The following TNFRSF11A variants were observed in gnomAD, a reference collection of about 807,000 sequenced individuals.
TNFRSF11A encodes TNF receptor superfamily member 11a.
A neutral mutation model predicts 55.7 loss-of-function variants in TNFRSF11A; 32 were observed. The observed-to-expected ratio is 0.57, with a 90% CI of 0.43 to 0.77. The LOEUF (loss-of-function observed/expected upper bound fraction) is 0.77, where lower values mean the gene tolerates loss of function less well. Among genes scored for constraint, TNFRSF11A ranks in the 30% least tolerant of loss-of-function variants. TNFRSF11A has a pLI of 0.00. For synonymous variants in TNFRSF11A, 311 were observed against 331.0 expected, an observed-to-expected ratio of 0.94 and a Z score of 0.65; for missense variants, 753 against 809.8, an observed-to-expected ratio of 0.93 and a Z score of 0.85.
At chr18:62,331,317 G>A (rs1319564942) in intron 1 of TNFRSF11A, among the ~76,000 whole-genome samples, 4 of 152,188 alleles carry the variant, frequency 2.6e-5, no homozygotes, top group Non-Finnish European at 4.4e-5. Flanking sequence ...TAAGGAAATT[G>A]CTGTCTTAGT....
At chr18:62,384,674 C>A in intron 9 of TNFRSF11A, 77 bp from the exon 10 acceptor site, 2 of 1,553,078 alleles carry the variant, frequency 1.3e-6, no homozygotes, top group Non-Finnish European at 1.7e-6. Flanking sequence ...CTCCACTCCC[C>A]GGAACCTTCC....
intron 1 of TNFRSF11A, among the ~76,000 whole-genome samples, chr18:62,333,276 G>A (rs956445362): frequency 2.6e-5 from 4 of 152,118 alleles, no homozygotes; most frequent in South Asian, 2.1e-4. Context: ...AGTCTCCCCC[G>A]GGAACTCGTT....
At chr18:62,379,177 T>G (rs1911094732) in intron 9 of TNFRSF11A, among the ~76,000 whole-genome samples, 1 of 152,208 alleles carries the variant, frequency 6.6e-6, no homozygotes, top group South Asian at 2.1e-4. Flanking sequence ...GAGGGCTTAG[T>G]CAATTCTGTA....
chr18:62,369,492 A>G lies in TNFRSF11A; in HGVS notation c.1567+8A>G. 1 of 1,603,656 alleles carries G rather than the reference A, an allele frequency of 6.2e-7. No homozygotes were observed. Among genetic ancestry groups the G allele is most frequent in the Non-Finnish European group, 8.5e-7 (1 of 1,179,976 alleles). On this transcript the variant is annotated splice_region_variant and intron_variant, in intron 9 of 9. Transcript: ENST00000586569. ...GCCAGTCCCCTGCATCTGGTAAGTG[A>G]CTTCCCAGTCTCTCACTTCTGAGCA...
At position 62,353,570 on chromosome 18, in the gene TNFRSF11A, G is replaced by A. The variant is rs141996145; in HGVS notation, c.284-821G>A. Among the ~76,000 whole-genome samples, 312 of 152,326 alleles carry A rather than the reference G, an allele frequency of 2.0e-3. 3 individuals are homozygous for A. The Middle Eastern group carries it at 0.021, about 10-fold the overall frequency. ...GTTCTGTCCCTGAAGGACTGCAGAA[G>A]TACCAAGAGGATTGATTTTGGGGTG... On this transcript the variant is annotated intron_variant, in intron 3 of 9. Coordinates refer to ENST00000586569, the MANE Select transcript of TNFRSF11A (RefSeq NM_003839.4).
At chr18:62,369,537 C>T in intron 9 of TNFRSF11A, 53 bp downstream of exon 9, 2 of 1,594,272 alleles carry the variant, frequency 1.3e-6, no homozygotes, top group Non-Finnish European at 1.7e-6. Context: ...GTTCTTGGTA[C>T]AGGGTTTGGG....
Position 62,361,768 on chromosome 18 carries a change from T to C in TNFRSF11A, c.705T>C (p.Tyr235=). Residue 235 remains tyrosine, a synonymous_variant, in exon 7 of 10, where the codon TAT becomes TAC. Transcript: ENST00000586569. The part of the protein sequence containing the change: ...LVAAIIFGVC[Y]RKKGKALTAN... ...CTGCCATCATCTTTGGCGTTTGCTA[T>C]AGGAAAAAAGGGAAAGCACTCACAG... 1 of 1,614,108 alleles carries C rather than the reference T, an allele frequency of 6.2e-7. No individual in the cohort carries two copies. Among genetic ancestry groups the C allele is most frequent in the Non-Finnish European group, 8.5e-7 (1 of 1,179,988 alleles).
intron 5 of TNFRSF11A, among the ~76,000 whole-genome samples, chr18:62,359,183 T>A (rs536367737): frequency 6.6e-6 from 1 of 152,196 alleles, no homozygotes; most frequent in South Asian, 2.1e-4. Flanking sequence ...CCCAGGAGTT[T>A]GAGAACAGCC....
At chr18:62,381,839 T>C (rs1045435296) in intron 9 of TNFRSF11A, among the ~76,000 whole-genome samples, 1 of 152,184 alleles carries the variant, frequency 6.6e-6, no homozygotes. Flanking sequence ...CCATGTACTT[T>C]TTAGTTTTCA....
intron 1 of TNFRSF11A, among the ~76,000 whole-genome samples, chr18:62,338,563 A>G (rs2046266661): frequency 6.6e-6 from 1 of 152,236 alleles, no homozygotes; most frequent in Admixed American, 6.5e-5. Flanking sequence ...AATTCGCCAG[A>G]CACAAAGGGA....
rs889474690 is a variant in TNFRSF11A, at chr18:62,385,225, T to C, written c.*191T>C. On this transcript the variant is annotated 3_prime_UTR_variant, in exon 10 of 10. Coordinates refer to ENST00000586569, the MANE Select transcript of TNFRSF11A (RefSeq NM_003839.4). ...AGTGAATTGATGAGGACTGTCCCCA[T>C]GCCCACGGATGCTCAGCAGCCCGCC... 3.5e-6 allele frequency: 2 copies of C among 565,868 alleles called. No homozygotes were observed. Among genetic ancestry groups the C allele is most frequent in the Admixed American group, 4.4e-5 (1 of 22,944 alleles). The allele number at this position is 565,868 out of a possible 1,614,324, so 35.1% of individuals were successfully genotyped here. A position where few individuals can be genotyped will look rare whatever the true frequency, so the allele number is the denominator to read the frequency against.
chr18:62,354,183 A>G (rs916926016), intron 3 of TNFRSF11A, among the ~76,000 whole-genome samples: 1 of 152,202 alleles, frequency 6.6e-6, no homozygotes, highest in Admixed American at 6.5e-5. Flanking sequence ...TATGAGAGAG[A>G]GAAGAACCCC....
At chr18:62,351,371 A>G (rs752476430) in intron 3 of TNFRSF11A, among the ~76,000 whole-genome samples, 22 of 152,232 alleles carry the variant, frequency 1.4e-4, no homozygotes, top group African/African-American at 2.9e-4. Flanking sequence ...TAGAAGGCCA[A>G]TCAGATTCTG....
chr18:62,367,975 G>T (rs1910224953), intron 8 of TNFRSF11A, among the ~76,000 whole-genome samples: 2 of 151,806 alleles, frequency 1.3e-5, no homozygotes. Context: ...TGTATTTTTA[G>T]TAGAGACAGG....
rs545622577 is a variant in TNFRSF11A at position 62,383,113 on chromosome 18, A to C, written c.1568-1638A>C. Among the ~76,000 whole-genome samples, 5 of 152,262 alleles carry C rather than the reference A, an allele frequency of 3.3e-5. No individual in the cohort carries two copies. In the East Asian group the frequency reaches 7.7e-4, roughly 23 times the overall value. ...ACAGGAATGCCAACGGGCCTCCCTC[A>C]TGCTAATTGGGGGTTCTTAGACAAG... On this transcript the variant is annotated intron_variant, in intron 9 of 9. Transcript: ENST00000586569. This position sits in a 1 kb window ranked among gnomAD's most constrained non-coding sequence, Gnocchi z 4.2.
intron 9 of TNFRSF11A, 76 bp from the exon 10 acceptor site, chr18:62,384,674 CG>C: frequency 6.4e-7 from 1 of 1,553,078 alleles, no homozygotes; most frequent in South Asian, 1.2e-5. Flanking sequence ...CTCCACTCCC[CG>C]GAACCTTCCT....
chr18:62,342,555 G>A (rs993920610), intron 1 of TNFRSF11A, among the ~76,000 whole-genome samples: 3 of 151,888 alleles, frequency 2.0e-5, no homozygotes, highest in Non-Finnish European at 2.9e-5. Context: ...GTTTTGCTGC[G>A]AATCACCATG....
At position 62,385,832 on chromosome 18, in the gene TNFRSF11A, A is replaced by G. The variant is rs1373386651; in HGVS notation, c.*798A>G. On this transcript the variant is annotated 3_prime_UTR_variant, in exon 10 of 10. Transcript: ENST00000586569. ...TGCCCCTGCTCACAGTGTTTTAGAG[A>G]TGGCTTTCCCAGTGTGTGTTCATTG... is the stretch of plus-strand genomic sequence containing the variant. 1.3e-5 allele frequency: 2 copies of G among 152,168 alleles called. No individual in the cohort carries two copies. The highest frequency in any genetic ancestry group is 6.5e-5 in the Admixed American group (1 of 15,282). 9.4% of individuals were successfully genotyped at this position (152,168 alleles called of 1,614,324 possible). A position where few individuals can be genotyped will look rare whatever the true frequency, so the allele number is the denominator to read the frequency against.
chr18:62,346,085 C>G (rs2046379303), intron 1 of TNFRSF11A, among the ~76,000 whole-genome samples: 1 of 152,190 alleles, frequency 6.6e-6, no homozygotes, highest in African/African-American at 2.4e-5. Context: ...ATCCCATTTA[C>G]CAAATTCCCC....
Sources: gnomAD v4.1 joint callset for allele counts (sites outside exome capture counted in the v4.1 genomes callset) on GRCh38, gnomAD v4.1.1 for gene constraint, Gnocchi (gnomAD v3.1) non-coding constraint, MANE v1.5 for transcripts, NCBI Gene and HGNC (gene_info 2026-07-23, HGNC 2026-07-21) for gene names.